The following FAHD1 variants were observed in gnomAD, a reference collection of about 807,000 sequenced individuals.
FAHD1 encodes FAH domain containing oxaloacetate decarboxylase 1.
Under a neutral mutation model 12.7 loss-of-function variants are expected in FAHD1, and 14 were observed. The ratio of observed to expected loss-of-function variants is 1.10; its 90% CI spans 0.73 to 1.72. The LOEUF (loss-of-function observed/expected upper bound fraction) is 1.72. Among genes scored for constraint, FAHD1 ranks in the 40% most tolerant of loss-of-function variants. The pLI is 0.00. For missense variants in FAHD1, 351 were observed against 298.9 expected (o/e 1.17, Z -1.29); for synonymous variants, 153 against 124.9 (o/e 1.22, Z -1.50).
At chr16:1,827,771 C>A (rs778963849) in exon 1 of FAHD1, 4 of 1,613,938 alleles carry the variant, frequency 2.5e-6, no homozygotes, top group African/African-American at 2.7e-5. Context: ...AAGATCATAA[C>A]CTTGGAAGAA....
exon 1 of FAHD1, chr16:1,827,750 G>A (rs533518287): frequency 6.2e-7 from 1 of 1,614,102 alleles, no homozygotes; most frequent in Admixed American, 1.7e-5. Flanking sequence ...TACATCATCA[G>A]CTATGTTTCT....
chr16:1,834,556 G>C (rs1898688374), intron 1 of FAHD1, among the ~76,000 whole-genome samples: 1 of 152,196 alleles, frequency 6.6e-6, no homozygotes, highest in South Asian at 2.1e-4. Context: ...TTAATTTACA[G>C]GCCCAGCTTC....
At chr16:1,838,217 C>T in intron 2 of FAHD1, 1 of 430,352 alleles carries the variant, frequency 2.3e-6, no homozygotes. Flanking sequence ...CCAGGGTGAT[C>T]TTGAACTCCT....
intron 1 of FAHD1, among the ~76,000 whole-genome samples, chr16:1,836,663 G>A (rs763104375): frequency 2.6e-5 from 4 of 151,926 alleles, no homozygotes; most frequent in Non-Finnish European, 2.9e-5. Flanking sequence ...TGGTGGCCAT[G>A]GAAAATGGGA....
downstream of FAHD1, among the ~76,000 whole-genome samples, chr16:1,830,391 C>T (rs1235395003): frequency 5.3e-5 from 8 of 152,334 alleles, no homozygotes; most frequent in East Asian, 7.7e-4. Context: ...GATCAAAGGG[C>T]GTGCTCATGC....
chr16:1,839,200 G>GA, intron 2 of FAHD1: 1 of 1,470,894 alleles, frequency 6.8e-7, no homozygotes, highest in Non-Finnish European at 9.0e-7. Flanking sequence ...ATTTTTTTGG[G>GA]AAAAAGCATT....
At chr16:1,828,828 G>C (rs1363653533) in exon 1 of FAHD1, 5 of 998,506 alleles carry the variant, frequency 5.0e-6, no homozygotes, top group Non-Finnish European at 6.0e-6. Context: ...GTTTACTTAG[G>C]GTATCTACCC....
At chr16:1,832,074 A>G (rs879020446), downstream of FAHD1, among the ~76,000 whole-genome samples, 1 of 151,978 alleles carries the variant, frequency 6.6e-6, no homozygotes, top group South Asian at 2.1e-4. Flanking sequence ...TTTTTGCCAA[A>G]TTGCAGAGGA....
chr16:1,827,418 G>C (rs1250103389), exon 1 of FAHD1: 6 of 1,609,988 alleles, frequency 3.7e-6, no homozygotes, highest in African/African-American at 1.3e-5. Context: ...TCATGCCCGC[G>C]TACACTCGCA....
At chr16:1,839,556 G>T in exon 3 of FAHD1, 1 of 884,400 alleles carries the variant, frequency 1.1e-6, no homozygotes, top group Non-Finnish European at 1.7e-6. Flanking sequence ...CTTACTGAGT[G>T]TTCAGTGCTA....
chr16:1,828,091 C>T, exon 1 of FAHD1: 1 of 1,178,806 alleles, frequency 8.5e-7, no homozygotes, highest in African/African-American at 1.5e-5. Flanking sequence ...ACCATCTTGG[C>T]TAACAGGGTG....
At position 1,838,802 on chromosome 16, in the gene FAHD1, G is replaced by T. The variant is rs141980165; in HGVS notation, c.*9-460G>T. On this transcript the variant is annotated intron_variant, in intron 2 of 2. Coordinates refer to the FAHD1 transcript ENST00000382666. ...CACATCCTGGGCTCAAGTGATTCTC[G>T]TGCCCCAGCCTCCTGAGTAGCTAGG... 2.0e-3 allele frequency among the ~76,000 whole-genome samples: 301 copies of T among 151,888 alleles called. 4 individuals are homozygous for T. The highest frequency in any genetic ancestry group is 7.0e-3 in the African/African-American group (290 of 41,426).
chr16:1,839,435 G>A (rs1898840013), exon 3 of FAHD1: 1 of 1,604,304 alleles, frequency 6.2e-7, no homozygotes, highest in Non-Finnish European at 8.5e-7. Flanking sequence ...AACCACAGCT[G>A]GAACTGAAAA....
At chr16:1,838,493 G>T (rs1358299566) in intron 2 of FAHD1, among the ~76,000 whole-genome samples, 1 of 152,172 alleles carries the variant, frequency 6.6e-6, no homozygotes, top group Admixed American at 6.6e-5. Flanking sequence ...AAATGCACAT[G>T]CTAATCCCTA....
exon 3 of FAHD1, chr16:1,839,434 T>C: frequency 6.2e-7 from 1 of 1,605,950 alleles, no homozygotes. Flanking sequence ...TAACCACAGC[T>C]GGAACTGAAA....
chr16:1,828,086 C>T, exon 1 of FAHD1: 1 of 1,207,400 alleles, frequency 8.3e-7, no homozygotes. Context: ...TCCAGACCAT[C>T]TTGGCTAACA....
chr16:1,835,515 T>C (rs548794991), intron 1 of FAHD1, among the ~76,000 whole-genome samples: 1 of 152,094 alleles, frequency 6.6e-6, no homozygotes, highest in Non-Finnish European at 1.5e-5. Context: ...GAAAAAAAAG[T>C]ACCAACATCA....
exon 1 of FAHD1, chr16:1,827,885 T>G (rs751735330): frequency 6.2e-7 from 1 of 1,612,960 alleles, no homozygotes; most frequent in African/African-American, 1.3e-5. Flanking sequence ...ACATTTAAAG[T>G]GGAAAAGCCA....
chr16:1,829,375 G>C (rs566799958), downstream of FAHD1, among the ~76,000 whole-genome samples: 1 of 152,140 alleles, frequency 6.6e-6, no homozygotes, highest in Non-Finnish European at 1.5e-5. Context: ...AGCTTAGTAT[G>C]ATCACTACCA....
Sources: allele counts gnomAD v4.1 joint callset (sites outside exome capture counted in the v4.1 genomes callset), GRCh38; gene constraint gnomAD v4.1.1; transcripts MANE v1.5; gene names NCBI Gene and HGNC (gene_info 2026-07-23, HGNC 2026-07-21).